The following PRKD1 variants were observed in gnomAD, a reference collection of about 807,000 sequenced individuals.
The protein encoded by PRKD1 is protein kinase D1, also known as serine/threonine-protein kinase D1.
PRKD1 carries 63 observed loss-of-function variants against 95.9 expected under a neutral mutation model. That is an observed-to-expected ratio of 0.66 (90% CI 0.54 to 0.81). PRKD1 has a LOEUF of 0.81. Ranked by LOEUF, PRKD1 falls within the 30% of genes least tolerant of loss-of-function variation. PRKD1 has a pLI of 0.00. For missense variants in PRKD1, 1,048 were observed against 1,165.3 expected (o/e 0.90, Z 1.47); for synonymous variants, 425 against 423.1 (o/e 1.00, Z -0.05).
chr14:29,888,286 A>AAGAAAGAG (rs917248157), intron 1 of PRKD1, among the ~76,000 whole-genome samples: 1 of 152,030 alleles, frequency 6.6e-6, no homozygotes, highest in Non-Finnish European at 1.5e-5. Context: ...AGCGAGAAGA[A>AAGAAAGAG]AGAAAGAGAG....
chr14:29,639,469 A>C (rs1410830716), intron 4 of PRKD1, among the ~76,000 whole-genome samples: 1 of 152,032 alleles, frequency 6.6e-6, no homozygotes, highest in Non-Finnish European at 1.5e-5. Flanking sequence ...AAATACAAAA[A>C]TTAGCTGGGT....
chr14:29,664,178 G>T (rs947239216), intron 3 of PRKD1, among the ~76,000 whole-genome samples: 1 of 152,126 alleles, frequency 6.6e-6, no homozygotes. Flanking sequence ...TTTAGCTGCC[G>T]TAAGTTCAAA....
At chr14:29,798,235 C>A (rs1889894491) in intron 1 of PRKD1, among the ~76,000 whole-genome samples, 2 of 152,172 alleles carry the variant, frequency 1.3e-5, no homozygotes, top group African/African-American at 4.8e-5. Flanking sequence ...TTGCACTTTT[C>A]TGACAGCAAT....
chr14:29,772,904 C>A (rs1270972581), intron 1 of PRKD1, among the ~76,000 whole-genome samples: 2 of 152,170 alleles, frequency 1.3e-5, no homozygotes, highest in East Asian at 1.9e-4. Context: ...AAATTTTATT[C>A]CACAGAAATC....
chr14:29,696,046 T>C (rs1423155899), intron 2 of PRKD1, among the ~76,000 whole-genome samples: 1 of 152,208 alleles, frequency 6.6e-6, no homozygotes. Flanking sequence ...AGTCTTACAT[T>C]AGTCTTCTTT....
chr14:29,664,090 T>G (rs28678036), intron 3 of PRKD1, among the ~76,000 whole-genome samples: 1 of 152,186 alleles, frequency 6.6e-6, no homozygotes, highest in Admixed American at 6.5e-5. Flanking sequence ...GTATCATTTT[T>G]AAAAATGTTC....
intron 2 of PRKD1, among the ~76,000 whole-genome samples, chr14:29,724,015 G>C (rs944818958): frequency 1.3e-5 from 2 of 152,120 alleles, no homozygotes; most frequent in Non-Finnish European, 2.9e-5. Context: ...GCAGAATGCT[G>C]TTCTCATGCA....
rs558868874 is a variant in PRKD1, at chr14:29,638,946, C to T, written c.697-42G>A. ...AATAAAGGAAGCAAGATGTAAGAGG[C>T]TATTTGATTTATATATTTATATATT... On this transcript the variant is annotated intron_variant, in intron 4 of 17. Coordinates refer to ENST00000331968, the MANE Select transcript of PRKD1 (RefSeq NM_002742.3). 1.6e-5 allele frequency: 24 copies of T among 1,467,916 alleles called. No homozygotes were observed. In the South Asian group the frequency reaches 2.2e-4, roughly 13 times the overall value. The allele number at this position is 1,467,916 out of a possible 1,614,324, so 90.9% of individuals were successfully genotyped here.
chr14:29,735,441 G>A (rs1233684615), intron 1 of PRKD1, among the ~76,000 whole-genome samples: 2 of 152,136 alleles, frequency 1.3e-5, no homozygotes, highest in African/African-American at 4.8e-5. Context: ...TAAACCTTGG[G>A]TAGCTAATTC....
intron 1 of PRKD1, among the ~76,000 whole-genome samples, chr14:29,844,511 A>G (rs1471588137): frequency 1.3e-5 from 2 of 152,186 alleles, no homozygotes; most frequent in Non-Finnish European, 2.9e-5. Flanking sequence ...AATATGGGAA[A>G]ACAATGAGCA....
chr14:29,891,166 T>C (rs141672781), intron 1 of PRKD1, among the ~76,000 whole-genome samples: 146 of 152,264 alleles, frequency 9.6e-4, no homozygotes, highest in Non-Finnish European at 1.9e-3. Context: ...AGGTGACAAA[T>C]GTAAAACAAG....
chr14:29,680,296 C>T (rs934313051), intron 2 of PRKD1, among the ~76,000 whole-genome samples: 2 of 152,278 alleles, frequency 1.3e-5, no homozygotes, highest in Admixed American at 6.5e-5. Context: ...TTGAAGCTGA[C>T]TTGTGATCCC....
chr14:29,694,006 T>C (rs1243845785), intron 2 of PRKD1, among the ~76,000 whole-genome samples: 1 of 152,126 alleles, frequency 6.6e-6, no homozygotes, highest in Middle Eastern at 3.2e-3. Flanking sequence ...TTTCAAATAT[T>C]TGAAAATATG....
intron 2 of PRKD1, among the ~76,000 whole-genome samples, chr14:29,712,398 A>C (rs1035484308): frequency 6.6e-6 from 1 of 152,170 alleles, no homozygotes; most frequent in Admixed American, 6.6e-5. Context: ...AAATAAAAAT[A>C]GAATAAGATG....
intron 4 of PRKD1, among the ~76,000 whole-genome samples, chr14:29,652,211 C>A (rs1454963804): frequency 1.3e-5 from 2 of 152,150 alleles, no homozygotes; most frequent in African/African-American, 2.4e-5. Context: ...TGTGTCTTGT[C>A]AGGAGTGCTG....
At chr14:29,775,779 A>G (rs920312519) in intron 1 of PRKD1, among the ~76,000 whole-genome samples, 2 of 152,168 alleles carry the variant, frequency 1.3e-5, no homozygotes, top group African/African-American at 4.8e-5. Flanking sequence ...TCCCTGTCTA[A>G]CAGCTTTGAA....
chr14:29,758,412 T>C (rs1297032614), intron 1 of PRKD1, among the ~76,000 whole-genome samples: 1 of 152,192 alleles, frequency 6.6e-6, no homozygotes, highest in Non-Finnish European at 1.5e-5. Context: ...TGCCTGGCAG[T>C]TCAGCAGGAG....
At chr14:29,617,791 G>T (rs1388412685) in intron 13 of PRKD1, among the ~76,000 whole-genome samples, 1 of 152,068 alleles carries the variant, frequency 6.6e-6, no homozygotes, top group African/African-American at 2.4e-5. Flanking sequence ...AACTGGCCTG[G>T]TGCAGTGTCT....
chr14:29,677,336 C>A (rs1308964284), intron 2 of PRKD1, among the ~76,000 whole-genome samples: 1 of 152,126 alleles, frequency 6.6e-6, no homozygotes, highest in Non-Finnish European at 1.5e-5. Context: ...TTAAGGCTTT[C>A]AGTATGGATA....
Sources: gnomAD v4.1 joint callset for allele counts (sites outside exome capture counted in the v4.1 genomes callset) on GRCh38, gnomAD v4.1.1 for gene constraint, MANE v1.5 for transcripts, NCBI Gene and HGNC (gene_info 2026-07-23, HGNC 2026-07-21) for gene names.